TENM3: variants seen among roughly 807,000 people sequenced by gnomAD.
TENM3 encodes the protein teneurin transmembrane protein 3.
Under a neutral mutation model 255.1 loss-of-function variants are expected in TENM3, and 63 were observed. The ratio of observed to expected loss-of-function variants is 0.25; its 90% CI spans 0.20 to 0.30. The LOEUF is 0.30. TENM3 is among the 10% of genes least tolerant of loss of function. The probability of loss-of-function intolerance (pLI) is 1.00; values close to 1 mark genes in which losing one functional copy is unlikely to be tolerated. For missense variants in TENM3, 2,929 were observed against 3,461.1 expected (o/e 0.85, Z 3.86); for synonymous variants, 1,306 against 1,322.3 (o/e 0.99, Z 0.27).
intron 1 of TENM3, among the ~76,000 whole-genome samples, chr4:182,211,894 G>A (rs1755066017): frequency 6.6e-6 from 1 of 152,078 alleles, no homozygotes; most frequent in African/African-American, 2.4e-5. Context: ...TAAATAGGAG[G>A]TAGAACACTT....
chr4:182,159,906 G>A (rs1750993181), intron 1 of TENM3, among the ~76,000 whole-genome samples: 1 of 152,152 alleles, frequency 6.6e-6, no homozygotes, highest in South Asian at 2.1e-4. Flanking sequence ...TCGAGAGAGA[G>A]AAAATTTACT....
At chr4:181,783,970 T>C in the TENM3 span, among the ~76,000 whole-genome samples, 5 of 152,180 alleles carry the variant, frequency 3.3e-5, no homozygotes, top group Non-Finnish European at 1.5e-5. Context: ...CAAAGCCACA[T>C]GACTCTTTAA....
chr4:181,790,210 A>T, the TENM3 span, among the ~76,000 whole-genome samples: 1 of 152,060 alleles, frequency 6.6e-6, no homozygotes, highest in African/African-American at 2.4e-5. Flanking sequence ...GTGTGTGTGG[A>T]AAGACCCCCA....
rs1261199874 is a variant in TENM3, at chr4:182,800,180, C to G, written c.7929C>G (p.Gly2643=). Residue 2643 remains glycine (G), a synonymous_variant, in exon 28 of 28, where the codon GGC becomes GGG. Transcript: ENST00000511685. ...GCGAGCAGCAGCGCGTGCGCGACGG[C>G]GAGGAGGGCGCGCGCCTCTGGACGG... ...WAREQQRVRD[G]EEGARLWTEG... 1 of 1,530,856 alleles carries G rather than the reference C, an allele frequency of 6.5e-7. No individual in the cohort carries two copies. Among genetic ancestry groups the G allele is most frequent in the Non-Finnish European group, 8.7e-7 (1 of 1,148,184 alleles). 94.8% of individuals were successfully genotyped at this position (1,530,856 alleles called of 1,614,324 possible). A position where few individuals can be genotyped will look rare whatever the true frequency, so the allele number is the denominator to read the frequency against.
intron 2 of TENM3, among the ~76,000 whole-genome samples, chr4:182,345,632 A>T (rs1366659771): frequency 6.6e-6 from 1 of 152,154 alleles, no homozygotes; most frequent in East Asian, 1.9e-4. Context: ...ACAAGCAAAC[A>T]TTTTTCTCAC....
chr4:182,131,724 T>C, the TENM3 span, among the ~76,000 whole-genome samples: 2 of 152,208 alleles, frequency 1.3e-5, no homozygotes, highest in Non-Finnish European at 2.9e-5. Flanking sequence ...GTATTTTTCC[T>C]TCCACTGTGA....
intron 3 of TENM3, among the ~76,000 whole-genome samples, chr4:182,366,219 A>G (rs1201356473): frequency 6.6e-6 from 1 of 152,032 alleles, no homozygotes; most frequent in Non-Finnish European, 1.5e-5. Context: ...TGTTTAAGGT[A>G]TTTTTGATAT....
chr4:182,786,713 A>T (rs778739702), intron 24 of TENM3, among the ~76,000 whole-genome samples: 18 of 152,160 alleles, frequency 1.2e-4, no homozygotes, highest in Non-Finnish European at 1.9e-4. Flanking sequence ...AGGAAGCAGT[A>T]AAGAATTAAT....
chr4:181,451,167 C>A, the TENM3 span, among the ~76,000 whole-genome samples: 1 of 152,076 alleles, frequency 6.6e-6, no homozygotes, highest in African/African-American at 2.4e-5. Flanking sequence ...AGACTTAAAG[C>A]TTGAATTAGC....
At chr4:182,387,117 G>T (rs542629986) in intron 3 of TENM3, among the ~76,000 whole-genome samples, 1 of 152,182 alleles carries the variant, frequency 6.6e-6, no homozygotes, top group Non-Finnish European at 1.5e-5. Context: ...TGCACCAACC[G>T]ACACCCTGTA....
intron 1 of TENM3, among the ~76,000 whole-genome samples, chr4:182,226,183 C>T (rs1038926710): frequency 3.3e-5 from 5 of 151,976 alleles, no homozygotes; most frequent in Non-Finnish European, 7.4e-5. Context: ...TACTCCTTAG[C>T]CAGGCTGAGA....
chr4:181,776,949 C>T, the TENM3 span, among the ~76,000 whole-genome samples: 2 of 151,892 alleles, frequency 1.3e-5, no homozygotes, highest in African/African-American at 4.8e-5. Flanking sequence ...TTCCATTTGC[C>T]TATTTTTGGT....
At chr4:182,452,153 T>A (rs1280032472) in intron 3 of TENM3, among the ~76,000 whole-genome samples, 1 of 152,232 alleles carries the variant, frequency 6.6e-6, no homozygotes, top group Non-Finnish European at 1.5e-5. Flanking sequence ...TTATTCTATC[T>A]TATCATAGAT....
the TENM3 span, among the ~76,000 whole-genome samples, chr4:181,551,830 A>G: frequency 0.011 from 710 of 66,524 alleles, 10 homozygotes; most frequent in African/African-American, 0.038. Flanking sequence ...ATATATATAT[A>G]TATGTATATG....
chr4:182,530,815 C>T (rs1436520523), intron 3 of TENM3, among the ~76,000 whole-genome samples: 5 of 152,162 alleles, frequency 3.3e-5, no homozygotes, highest in African/African-American at 7.2e-5. Context: ...CGAAGTGAAT[C>T]TTAGATGTTT....
chr4:182,790,997 C>T (rs1766063736), intron 25 of TENM3, among the ~76,000 whole-genome samples: 1 of 152,164 alleles, frequency 6.6e-6, no homozygotes, highest in Admixed American at 6.5e-5. Flanking sequence ...TCCACCCAGA[C>T]TATTTCGATG....
chr4:181,448,154 A>ATTTTTTTTTTTTTTTTTTTTT, the TENM3 span, among the ~76,000 whole-genome samples: 1 of 90,124 alleles, frequency 1.1e-5, no homozygotes, highest in African/African-American at 4.8e-5. Context: ...AAATCCAGTA[A>ATTTTTTTTTTTTTTTTTTTTT]TTTTTTTTTT....
At chr4:182,559,338 G>C (rs1031804520) in intron 3 of TENM3, among the ~76,000 whole-genome samples, 4 of 152,056 alleles carry the variant, frequency 2.6e-5, no homozygotes, top group Admixed American at 2.6e-4. Context: ...TAACACTGCT[G>C]AAAGGAGTAA....
chr4:181,607,894 C>T, the TENM3 span, among the ~76,000 whole-genome samples: 1 of 152,132 alleles, frequency 6.6e-6, no homozygotes, highest in Non-Finnish European at 1.5e-5. Flanking sequence ...TATATTCTAT[C>T]AGGAATTTTC....
Sources: gnomAD v4.1 joint callset for allele counts (sites outside exome capture counted in the v4.1 genomes callset) on GRCh38, gnomAD v4.1.1 for gene constraint, MANE v1.5 for transcripts, NCBI Gene and HGNC (gene_info 2026-07-23, HGNC 2026-07-21) for gene names.